Variants in PCSK5 observed in about 807,000 individuals in gnomAD.
PCSK5 encodes prohormone convertase 5.
A neutral mutation model predicts 233.2 loss-of-function variants in PCSK5; 129 were observed. The ratio of observed to expected loss-of-function variants is 0.55; its 90% CI spans 0.48 to 0.64. The LOEUF is 0.64. Ranked by LOEUF, PCSK5 falls within the 30% of genes least tolerant of loss-of-function variation. PCSK5 has a pLI of 0.00. For missense variants in PCSK5, 2,076 were observed against 2,430.1 expected, an observed-to-expected ratio of 0.85 and a Z score of 3.06; for synonymous variants, 825 against 879.2, an observed-to-expected ratio of 0.94 and a Z score of 1.09.
chr9:75,952,058 A>T (rs1477958094), intron 2 of PCSK5, among the ~76,000 whole-genome samples: 1 of 152,212 alleles, frequency 6.6e-6, no homozygotes, highest in Non-Finnish European at 1.5e-5. Context: ...TACCATTAGC[A>T]TTCTACACAC....
At chr9:75,941,748 G>A (rs1824314904) in intron 2 of PCSK5, among the ~76,000 whole-genome samples, 1 of 152,158 alleles carries the variant, frequency 6.6e-6, no homozygotes, top group Admixed American at 6.5e-5. Flanking sequence ...GTGACACGAT[G>A]ATTAGGAGTG....
chr9:76,062,322 T>G (rs1444104931), intron 5 of PCSK5, among the ~76,000 whole-genome samples: 1 of 152,134 alleles, frequency 6.6e-6, no homozygotes, highest in Non-Finnish European at 1.5e-5. Context: ...AATATCAAAT[T>G]TGGAAACATC....
chr9:76,303,468 T>G (rs533976897), intron 28 of PCSK5, among the ~76,000 whole-genome samples: 1 of 152,286 alleles, frequency 6.6e-6, no homozygotes, highest in African/African-American at 2.4e-5. Flanking sequence ...TATGAGAAAA[T>G]TGATGAAAAC....
chr9:75,890,838 G>C lies in PCSK5; in HGVS notation c.-344G>C, dbSNP rs2131170062. The C allele has an allele frequency of 4.3e-6, 1 of 232,882 alleles. No individual in the cohort carries two copies. Among genetic ancestry groups the C allele is most frequent in the South Asian group, 1.7e-4 (1 of 5,854 alleles). 14.4% of individuals were successfully genotyped at this position (232,882 alleles called of 1,614,324 possible). ...GGGGCCCCGGGAGGAGCGAGACCGA[G>C]TCGGAGAGTCCGGGAGCCAAGCCGG... is the stretch of plus-strand genomic sequence containing the variant. On this transcript the variant is annotated 5_prime_UTR_variant, in exon 1 of 38. Transcript: ENST00000674117.
chr9:75,935,064 T>C (rs1486122137), intron 2 of PCSK5, among the ~76,000 whole-genome samples: 1 of 152,092 alleles, frequency 6.6e-6, no homozygotes, highest in Non-Finnish European at 1.5e-5. Context: ...TGTACACATT[T>C]TTTTATTTTT....
intron 2 of PCSK5, among the ~76,000 whole-genome samples, chr9:75,983,025 A>T (rs1034683592): frequency 2.5e-4 from 38 of 151,812 alleles, no homozygotes; most frequent in Non-Finnish European, 2.9e-5. Flanking sequence ...TTATGAAGTA[A>T]TTTTTTTCCC....
At chr9:75,933,007 C>T (rs1564091407) in intron 2 of PCSK5, among the ~76,000 whole-genome samples, 1 of 152,146 alleles carries the variant, frequency 6.6e-6, no homozygotes, top group Non-Finnish European at 1.5e-5. Context: ...AGGGGAGAAG[C>T]TGACTCCTGC....
At chr9:76,056,380 A>C (rs1829819971) in intron 5 of PCSK5, among the ~76,000 whole-genome samples, 1 of 152,188 alleles carries the variant, frequency 6.6e-6, no homozygotes, top group African/African-American at 2.4e-5. Context: ...ACGGAAGAAA[A>C]AAAGTTCTCA....
intron 1 of PCSK5, among the ~76,000 whole-genome samples, chr9:75,919,554 G>C (rs1056002639): frequency 6.6e-6 from 1 of 152,188 alleles, no homozygotes; most frequent in Non-Finnish European, 1.5e-5. Flanking sequence ...TCCCAACAAT[G>C]TATGAGTGTT....
intron 28 of PCSK5, among the ~76,000 whole-genome samples, chr9:76,307,402 G>A (rs1261290073): frequency 6.6e-6 from 1 of 152,196 alleles, no homozygotes; most frequent in Non-Finnish European, 1.5e-5. Context: ...TTCTGAGCTA[G>A]AACTTCGTTT....
chr9:75,983,516 A>G (rs1263345509), intron 2 of PCSK5, among the ~76,000 whole-genome samples: 4 of 152,192 alleles, frequency 2.6e-5, no homozygotes, highest in South Asian at 2.1e-4. Context: ...GAGTACTCTG[A>G]GTAGAGGGAG....
chr9:76,194,677 A>AATT, intron 20 of PCSK5: 1 of 445,372 alleles, frequency 2.2e-6, no homozygotes, highest in South Asian at 1.7e-5. Context: ...TAGAAGACTG[A>AATT]ATTATGAGGA....
chr9:76,239,704 A>G (rs1341850884), intron 23 of PCSK5, among the ~76,000 whole-genome samples: 1 of 128,428 alleles, frequency 7.8e-6, no homozygotes, highest in Non-Finnish European at 1.9e-5. Context: ...TCAAAAAAAA[A>G]AAAAAAGAAA....
intron 24 of PCSK5, among the ~76,000 whole-genome samples, chr9:76,270,179 G>T (rs1050557363): frequency 2.0e-5 from 3 of 152,048 alleles, no homozygotes; most frequent in African/African-American, 7.2e-5. Flanking sequence ...CAGAAAATAC[G>T]TCTGTTGGAG....
intron 2 of PCSK5, among the ~76,000 whole-genome samples, chr9:75,942,096 C>G (rs1055322533): frequency 6.6e-6 from 1 of 152,214 alleles, no homozygotes; most frequent in Non-Finnish European, 1.5e-5. Flanking sequence ...AAGGGCCAGG[C>G]AGGAGCTCAC....
At position 76,184,652 on chromosome 9, in the gene PCSK5, A is replaced by C. The variant is rs1296069668; in HGVS notation, c.2198-21A>C. ...AATCCAATTGACCAACTGATTTACAACTTTCTCTTTTTTTTAACAGAGAAA... is the reference window on the plus strand; with the variant it reads ...AATCCAATTGACCAACTGATTTACACCTTTCTCTTTTTTTTAACAGAGAAA... On this transcript the variant is annotated intron_variant, in intron 16 of 37. Coordinates refer to ENST00000674117, the MANE Select transcript of PCSK5 (RefSeq NM_001372043.1). 3 of 1,546,342 alleles carry C rather than the reference A, an allele frequency of 1.9e-6. No homozygotes were observed. The Admixed American group carries it at 5.1e-5, about 26-fold the overall frequency.
chr9:76,047,120 G>A (rs975721797), intron 5 of PCSK5, among the ~76,000 whole-genome samples: 20 of 150,090 alleles, frequency 1.3e-4, no homozygotes, highest in Admixed American at 6.6e-4. Flanking sequence ...TTTTTGAGAC[G>A]GAGTCTTGCT....
intron 2 of PCSK5, among the ~76,000 whole-genome samples, chr9:75,985,683 C>T (rs956918872): frequency 5.9e-5 from 9 of 152,154 alleles, no homozygotes; most frequent in African/African-American, 2.2e-4. Context: ...ATATCATCTA[C>T]AGTGCTGCAA....
chr9:75,945,328 A>G (rs1824515297), intron 2 of PCSK5, among the ~76,000 whole-genome samples: 1 of 152,140 alleles, frequency 6.6e-6, no homozygotes, highest in East Asian at 1.9e-4. Context: ...CAAAAATGGA[A>G]CAGAATCATT....
Sources: allele counts gnomAD v4.1 joint callset (sites outside exome capture counted in the v4.1 genomes callset), GRCh38; gene constraint gnomAD v4.1.1; transcripts MANE v1.5; gene names NCBI Gene and HGNC (gene_info 2026-07-23, HGNC 2026-07-21).